The following STOML3 variants were observed in gnomAD, a reference collection of about 807,000 sequenced individuals.
STOML3 encodes the protein stomatin-like protein 3.
In STOML3, 31 loss-of-function variants were observed where a neutral mutation model predicts 29.5. The ratio of observed to expected loss-of-function variants is 1.05; its 90% CI spans 0.79 to 1.42. The LOEUF (loss-of-function observed/expected upper bound fraction) is 1.42. Ranked by LOEUF, STOML3 falls within the 40% of genes most tolerant of loss-of-function variation. STOML3 has a pLI of 0.00. For synonymous variants in STOML3, 122 were observed against 139.8 expected, an observed-to-expected ratio of 0.87 and a Z score of 0.90; for missense variants, 380 against 363.0, an observed-to-expected ratio of 1.05 and a Z score of -0.38.
At chr13:38,973,132 A>AT (rs1566204906) in intron 3 of STOML3, among the ~76,000 whole-genome samples, 1 of 124,128 alleles carries the variant, frequency 8.1e-6, no homozygotes, top group Non-Finnish European at 1.7e-5. Flanking sequence ...AAAAAAAAAA[A>AT]TTATCTGGGC....
chr13:38,985,679 A>C (rs1056640090), intron 1 of STOML3, among the ~76,000 whole-genome samples: 1 of 151,928 alleles, frequency 6.6e-6, no homozygotes, highest in Non-Finnish European at 1.5e-5. Context: ...ATAATTAAGC[A>C]AATTATGATA....
At chr13:38,985,908 T>TTTA (rs1868501956) in intron 1 of STOML3, among the ~76,000 whole-genome samples, 2 of 79,680 alleles carry the variant, frequency 2.5e-5, no homozygotes, top group Non-Finnish European at 4.9e-5. Flanking sequence ...TTTTCTTTTC[T>TTTA]TTCTTTTTTT....
chr13:38,987,295 G>A (rs1219166586), intron 1 of STOML3, among the ~76,000 whole-genome samples: 3 of 152,034 alleles, frequency 2.0e-5, no homozygotes, highest in Admixed American at 2.0e-4. Flanking sequence ...GGCTGAGGCT[G>A]GAGGATCACT....
At chr13:38,989,831 C>T (rs940100030) in intron 1 of STOML3, among the ~76,000 whole-genome samples, 8 of 152,152 alleles carry the variant, frequency 5.3e-5, no homozygotes, top group African/African-American at 1.2e-4. Flanking sequence ...TAATGCCAAA[C>T]GTGTTCTCTA....
At chr13:38,980,111 T>A in intron 1 of STOML3, 1 of 1,551,638 alleles carries the variant, frequency 6.4e-7, no homozygotes, top group Non-Finnish European at 8.7e-7. Flanking sequence ...CACATGAGGC[T>A]CAGCTCCATT....
intron 1 of STOML3, among the ~76,000 whole-genome samples, chr13:38,988,152 ATATATTTTATATAT>A (rs1868716981): frequency 1.1e-5 from 1 of 94,418 alleles, no homozygotes; most frequent in Non-Finnish European, 1.8e-5. Flanking sequence ...ATTTTATATC[ATATATTTTATATAT>A]AATATATTAT....
rs141118372 is a variant in STOML3, at chr13:38,986,883, G to A, written c.52+3787C>T. ...CTAAATACCAGAGCTTCTGGGGGTA[G>A]GGGCTAGGAATCTGTATTTTAAGGA... On this transcript the variant is annotated intron_variant, in intron 1 of 6. Coordinates refer to ENST00000379631, the MANE Select transcript of STOML3 (RefSeq NM_145286.3). 3.9e-5 allele frequency among the ~76,000 whole-genome samples: 6 copies of A among 152,264 alleles called. No homozygotes were observed. The East Asian group carries it at 1.2e-3, about 29-fold the overall frequency.
At chr13:38,988,053 A>G (rs1429465058) in intron 1 of STOML3, among the ~76,000 whole-genome samples, 3 of 106,886 alleles carry the variant, frequency 2.8e-5, no homozygotes, top group African/African-American at 1.1e-4. Context: ...TATTTTATAT[A>G]TAATATATTA....
chr13:38,966,994 A>G lies in STOML3; in HGVS notation c.707T>C (p.Met236Thr), dbSNP rs771080629. ...AGCTATGGGAGACTCAGCCAGCACC[A>G]TGGAGGCTGACTTCAGGGATTTGGA... ...NASKSLKSAS[M>T]VLAESPIALQ... is the part of the protein sequence containing the mutation. Residue 236 changes from methionine (M) to threonine (T), a missense_variant, in exon 7 of 7, where the codon ATG becomes ACG. Transcript: ENST00000379631. 1.2e-6 allele frequency: 2 copies of G among 1,614,136 alleles called. No individual in the cohort carries two copies. The highest frequency in any genetic ancestry group is 2.2e-5 in the South Asian group (2 of 91,078).
chr13:38,984,814 A>G (rs775381438), intron 1 of STOML3, among the ~76,000 whole-genome samples: 1 of 152,128 alleles, frequency 6.6e-6, no homozygotes, highest in Non-Finnish European at 1.5e-5. Flanking sequence ...ATTTGTAGCT[A>G]ACTTTTGTGT....
intron 1 of STOML3, among the ~76,000 whole-genome samples, chr13:38,986,662 T>C (rs1868584057): frequency 6.6e-6 from 1 of 152,222 alleles, no homozygotes; most frequent in Non-Finnish European, 1.5e-5. Context: ...CATTATCTTT[T>C]CATCCCCTGT....
intron 1 of STOML3, among the ~76,000 whole-genome samples, chr13:38,980,609 C>T (rs1227771464): frequency 1.3e-5 from 2 of 152,128 alleles, no homozygotes; most frequent in African/African-American, 4.8e-5. Context: ...CTGTTTGAAC[C>T]AAATCCACAA....
intron 4 of STOML3, among the ~76,000 whole-genome samples, chr13:38,972,073 C>T (rs1880889602): frequency 6.6e-6 from 1 of 152,194 alleles, no homozygotes; most frequent in Non-Finnish European, 1.5e-5. Context: ...AAATGTGACT[C>T]ATGTGGATAT....
Position 38,968,398 on chromosome 13 carries a change from A to G in STOML3, c.651+2T>C. The stretch of plus-strand genomic sequence containing the variant: ...TCCATGTGTGAACTGCACAACACTT[A>G]CCTTGGCTCTCGCTTCCCGGGTGGC... On this transcript the variant is annotated splice_donor_variant, in intron 6 of 6. Coordinates refer to ENST00000379631, the MANE Select transcript of STOML3 (RefSeq NM_145286.3). LOFTEE classifies it high-confidence loss of function. 1 of 1,614,016 alleles carries G rather than the reference A, an allele frequency of 6.2e-7. No individual in the cohort carries two copies. Among genetic ancestry groups the G allele is most frequent in the Non-Finnish European group, 8.5e-7 (1 of 1,179,988 alleles).
intron 1 of STOML3, among the ~76,000 whole-genome samples, chr13:38,986,577 T>C (rs752333955): frequency 6.6e-6 from 1 of 152,052 alleles, no homozygotes; most frequent in Non-Finnish European, 1.5e-5. Flanking sequence ...TTTAGCAAAT[T>C]TCTGGTTCTC....
intron 3 of STOML3, among the ~76,000 whole-genome samples, chr13:38,972,946 T>G (rs1880932072): frequency 6.6e-6 from 1 of 151,872 alleles, no homozygotes; most frequent in East Asian, 1.9e-4. Flanking sequence ...GTGGAAAATT[T>G]GAACACAGAA....
rs752942431 is a variant in STOML3 at position 38,970,290 on chromosome 13, A to G, written c.411T>C (p.His137=). ...VSAVANVNDV[H]QATFLLAQTT... is the part of the protein sequence containing the mutation. ...TTTGAGCCAGCAGAAATGTTGCTTG[A>G]TGGACATCGTTGACATTAGCCACTG... is the stretch of plus-strand genomic sequence containing the variant. The change falls in exon 5 of 7, where the codon CAT becomes CAC. Residue 137 remains histidine, a synonymous_variant. Transcript: ENST00000379631. The G allele has an allele frequency of 1.2e-6, 2 of 1,614,182 alleles. No individual in the cohort carries two copies. The highest frequency in any genetic ancestry group is 1.7e-6 in the Non-Finnish European group (2 of 1,180,026).
rs1868636658 is a variant in STOML3 at position 38,987,658 on chromosome 13, A to G, written c.52+3012T>C. On this transcript the variant is annotated intron_variant, in intron 1 of 6. Coordinates refer to ENST00000379631, the MANE Select transcript of STOML3 (RefSeq NM_145286.3). ...ACTGAATAACATTGCCTTAATATATATATTAAGATTTTTAATATATATTAT... is the reference window on the plus strand; with the variant it reads ...ACTGAATAACATTGCCTTAATATATGTATTAAGATTTTTAATATATATTAT... Among the ~76,000 whole-genome samples the G allele has an allele frequency of 2.1e-5, 3 of 141,400 alleles. No individual in the cohort carries two copies. In the South Asian group the frequency reaches 6.3e-4, roughly 30 times the overall value. The allele number at this position is 141,400 out of a possible 152,430, so 92.8% of individuals were successfully genotyped here. A position where few individuals can be genotyped will look rare whatever the true frequency, so the allele number is the denominator to read the frequency against.
chr13:38,989,816 A>G (rs1173151987), intron 1 of STOML3, among the ~76,000 whole-genome samples: 1 of 152,032 alleles, frequency 6.6e-6, no homozygotes, highest in Non-Finnish European at 1.5e-5. Context: ...TCTTTTATGT[A>G]TTAGTAATGC....
Sources: gnomAD v4.1 joint callset for allele counts (sites outside exome capture counted in the v4.1 genomes callset) on GRCh38, gnomAD v4.1.1 for gene constraint, MANE v1.5 for transcripts, NCBI Gene and HGNC (gene_info 2026-07-23, HGNC 2026-07-21) for gene names.